NT5DC1: variants seen among roughly 807,000 people sequenced by gnomAD.
NT5DC1 encodes 5'-nucleotidase domain-containing protein 1.
NT5DC1 carries 42 observed loss-of-function variants against 59.4 expected under a neutral mutation model. That is an observed-to-expected ratio of 0.71 (90% confidence interval 0.55 to 0.92). NT5DC1 has a LOEUF of 0.92. NT5DC1 is among the 40% of genes least tolerant of loss of function. NT5DC1 has a pLI of 0.00. For missense variants in NT5DC1, 501 were observed against 537.1 expected (o/e 0.93, Z 0.66); for synonymous variants, 172 against 188.1 (o/e 0.91, Z 0.70).
intron 6 of NT5DC1, among the ~76,000 whole-genome samples, chr6:116,177,053 A>G (rs566558348): frequency 3.9e-5 from 6 of 152,306 alleles, no homozygotes; most frequent in African/African-American, 1.4e-4. Context: ...CTAAAATCTG[A>G]AGTTTTGATT....
chr6:116,214,567 G>A (rs1233250716), intron 6 of NT5DC1, among the ~76,000 whole-genome samples: 2 of 152,056 alleles, frequency 1.3e-5, no homozygotes, highest in African/African-American at 4.8e-5. Flanking sequence ...GAAATTGTTA[G>A]AAATGCACAT....
intron 4 of NT5DC1, among the ~76,000 whole-genome samples, chr6:116,115,301 A>G (rs1343031226): frequency 1.3e-5 from 2 of 152,164 alleles, no homozygotes; most frequent in Non-Finnish European, 2.9e-5. Context: ...AAAAAGCACT[A>G]TTGTATAGAG....
In NT5DC1 at chr6:116,112,024, A is replaced by G. The variant is rs1048064791; in HGVS notation, c.364+1068A>G. Among the ~76,000 whole-genome samples, 6 of 152,334 alleles carry G rather than the reference A, an allele frequency of 3.9e-5. No individual in the cohort carries two copies. The East Asian group carries it at 1.2e-3, about 29-fold the overall frequency. On this transcript the variant is annotated intron_variant, in intron 4 of 11. Transcript: ENST00000319550. Reference sequence around the variant, plus strand: ...TCACTCTGAAATTTATTAAGAATCCAGAGTATTTTAAAGAATAAAGTACCC... The same window carrying G: ...TCACTCTGAAATTTATTAAGAATCCGGAGTATTTTAAAGAATAAAGTACCC...
At chr6:116,114,942 G>A (rs1006011848) in intron 4 of NT5DC1, among the ~76,000 whole-genome samples, 9 of 152,186 alleles carry the variant, frequency 5.9e-5, no homozygotes, top group African/African-American at 1.9e-4. Context: ...TTGCCAAGGT[G>A]GGATGGTGCT....
chr6:116,239,221 A>G, intron 11 of NT5DC1, 98 bp downstream of exon 11: 1 of 930,774 alleles, frequency 1.1e-6, no homozygotes, highest in Non-Finnish European at 1.6e-6. Context: ...TTGCCACAAC[A>G]TTGATTTATC....
At chr6:116,114,350 C>T (rs1778926869) in intron 4 of NT5DC1, among the ~76,000 whole-genome samples, 1 of 152,038 alleles carries the variant, frequency 6.6e-6, no homozygotes. Context: ...ATATGGTTTT[C>T]TTCTAATTTC....
intron 6 of NT5DC1, among the ~76,000 whole-genome samples, chr6:116,135,414 C>T (rs1416616314): frequency 6.6e-6 from 1 of 151,634 alleles, no homozygotes; most frequent in East Asian, 1.9e-4. Flanking sequence ...CATAACCGCC[C>T]CCCCCACCTT....
intron 6 of NT5DC1, among the ~76,000 whole-genome samples, chr6:116,174,782 A>T (rs1177007396): frequency 1.3e-5 from 2 of 152,174 alleles, no homozygotes; most frequent in African/African-American, 4.8e-5. Context: ...CTACAATTCT[A>T]CCACTTGCTT....
At chr6:116,215,921 T>C (rs1348080677) in intron 6 of NT5DC1, among the ~76,000 whole-genome samples, 1 of 152,152 alleles carries the variant, frequency 6.6e-6, no homozygotes, top group Non-Finnish European at 1.5e-5. Flanking sequence ...TTTGATGGCT[T>C]TGGAGAGATA....
intron 6 of NT5DC1, among the ~76,000 whole-genome samples, chr6:116,159,457 C>G (rs1414498225): frequency 1.3e-5 from 2 of 152,038 alleles, no homozygotes; most frequent in African/African-American, 4.8e-5. Flanking sequence ...TAAAGTATAC[C>G]ATGCATTATA....
chr6:116,125,600 C>CTTTTTTAACTTTA, intron 6 of NT5DC1: 2 of 1,151,494 alleles, frequency 1.7e-6, no homozygotes, highest in Non-Finnish European at 1.3e-6. Flanking sequence ...ATACAGTTAT[C>CTTTTTTAACTTTA]TACTTTTTTA....
chr6:116,221,623 GA>G (rs1781808163), intron 7 of NT5DC1, among the ~76,000 whole-genome samples: 1 of 152,136 alleles, frequency 6.6e-6, no homozygotes, highest in South Asian at 2.1e-4. Context: ...TTTCCGTGCG[GA>G]GCCATGTATT....
At chr6:116,151,199 C>T (rs1373501392) in intron 6 of NT5DC1, among the ~76,000 whole-genome samples, 1 of 152,170 alleles carries the variant, frequency 6.6e-6, no homozygotes, top group Non-Finnish European at 1.5e-5. Context: ...AGTGCCTGCA[C>T]CATCACTTAT....
At chr6:116,205,171 A>G (rs531018109) in intron 6 of NT5DC1, among the ~76,000 whole-genome samples, 1 of 152,052 alleles carries the variant, frequency 6.6e-6, no homozygotes, top group East Asian at 1.9e-4. Flanking sequence ...ATCATTACAG[A>G]CAGAAACTAA....
chr6:116,169,762 A>G (rs1203243559), intron 6 of NT5DC1, among the ~76,000 whole-genome samples: 2 of 152,228 alleles, frequency 1.3e-5, no homozygotes, highest in Non-Finnish European at 2.9e-5. Context: ...GGACAATTGG[A>G]CAGACATTTG....
intron 6 of NT5DC1, chr6:116,125,540 A>G (rs1303032396): frequency 1.3e-6 from 2 of 1,590,924 alleles, no homozygotes. Flanking sequence ...TTTATACAGC[A>G]TTGTTATTAA....
intron 1 of NT5DC1, among the ~76,000 whole-genome samples, chr6:116,104,684 C>T (rs1413320742): frequency 6.6e-6 from 1 of 152,128 alleles, no homozygotes; most frequent in African/African-American, 2.4e-5. Context: ...ATAGCAAATA[C>T]TTAAATTGGA....
At chr6:116,206,969 T>C (rs1355297171) in intron 6 of NT5DC1, among the ~76,000 whole-genome samples, 27 of 152,092 alleles carry the variant, frequency 1.8e-4, no homozygotes, top group East Asian at 1.9e-4. Flanking sequence ...ATTCTAGAAT[T>C]TAAAGTTCTC....
chr6:116,141,885 AACACACACACACACACAC>A (rs3051942), intron 6 of NT5DC1, among the ~76,000 whole-genome samples: 6 of 140,330 alleles, frequency 4.3e-5, no homozygotes, highest in Admixed American at 2.1e-4. Context: ...CCAAAAAGAA[AACACACACACACACACAC>A]ACACACACAC....
Sources: allele counts gnomAD v4.1 joint callset (sites outside exome capture counted in the v4.1 genomes callset), GRCh38; gene constraint gnomAD v4.1.1; transcripts MANE v1.5; gene names NCBI Gene and HGNC (gene_info 2026-07-23, HGNC 2026-07-21).